The following OR3A2 variants were observed in gnomAD, a reference collection of about 807,000 sequenced individuals.
OR3A2 encodes olfactory receptor family 3 subfamily A member 2, also known as olfactory receptor 3A2.
For synonymous variants in OR3A2, 126 were observed against 159.3 expected (o/e 0.79, Z 1.57); for missense variants, 318 against 392.8 (o/e 0.81, Z 1.61).
intron 2 of OR3A2, among the ~76,000 whole-genome samples, chr17:3,342,834 T>G (rs1254745580): frequency 6.6e-6 from 1 of 152,250 alleles, no homozygotes; most frequent in Non-Finnish European, 1.5e-5. Context: ...CAGGGACGTT[T>G]AAGTCTGCAG....
chr17:3,276,173 C>G (rs187079204), downstream of OR3A2, among the ~76,000 whole-genome samples: 1,395 of 149,496 alleles, frequency 9.3e-3, 19 homozygotes, highest in Non-Finnish European at 9.7e-3. Flanking sequence ...GAAAATAACC[C>G]AAATTATAGA....
At chr17:3,370,470 A>G (rs1028493380) in intron 2 of OR3A2, among the ~76,000 whole-genome samples, 1 of 152,146 alleles carries the variant, frequency 6.6e-6, no homozygotes, top group Non-Finnish European at 1.5e-5. Context: ...TTGTCAAAGA[A>G]CCAGCTTTTT....
upstream of OR3A2, among the ~76,000 whole-genome samples, chr17:3,287,330 C>A (rs934363655): frequency 1.4e-5 from 2 of 142,194 alleles, no homozygotes; most frequent in African/African-American, 5.1e-5. Flanking sequence ...GCACATTGTA[C>A]CCATTAAGTA....
intron 3 of OR3A2, among the ~76,000 whole-genome samples, chr17:3,325,693 A>C (rs892148107): frequency 6.6e-6 from 1 of 152,128 alleles, no homozygotes; most frequent in African/African-American, 2.4e-5. Flanking sequence ...TTAAAAATTA[A>C]GGTATCACAT....
In OR3A2 at chr17:3,347,458, T is replaced by C. The variant is rs539324279; in HGVS notation, c.-178-11332A>G. 1.6e-4 allele frequency among the ~76,000 whole-genome samples: 24 copies of C among 152,266 alleles called. No homozygotes were observed. In the East Asian group the frequency reaches 2.9e-3, roughly 18 times the overall value. Reference sequence around the variant, plus strand: ...CCCTTCCTGTGTCCATGTGTTCTCATAGTTCAATTCCCACCTATGAGTGAG... The same window carrying C: ...CCCTTCCTGTGTCCATGTGTTCTCACAGTTCAATTCCCACCTATGAGTGAG... On this transcript the variant is annotated intron_variant, in intron 2 of 4. Transcript: ENST00000573491.
chr17:3,337,020 C>T (rs530957270), intron 2 of OR3A2, among the ~76,000 whole-genome samples: 10 of 152,206 alleles, frequency 6.6e-5, no homozygotes, highest in East Asian at 1.9e-4. Context: ...ACATGGGTTC[C>T]GATATCTGTG....
At chr17:3,321,697 T>A (rs2049123680) in intron 3 of OR3A2, among the ~76,000 whole-genome samples, 1 of 152,234 alleles carries the variant, frequency 6.6e-6, no homozygotes, top group Non-Finnish European at 1.5e-5. Flanking sequence ...GATTGGCATA[T>A]GTTGAACCAG....
chr17:3,310,035 C>T (rs919979491), intron 3 of OR3A2: 1 of 220,368 alleles, frequency 4.5e-6, no homozygotes. Context: ...TCTAATGTAA[C>T]ATTTGTTCCC....
chr17:3,376,829 A>G (rs1345135605), intron 2 of OR3A2, among the ~76,000 whole-genome samples: 1 of 152,074 alleles, frequency 6.6e-6, no homozygotes, highest in African/African-American at 2.4e-5. Context: ...TGCCTTTCCC[A>G]AGGATCCCTG....
chr17:3,329,490 T>C (rs2150641045), intron 3 of OR3A2, among the ~76,000 whole-genome samples: 1 of 140,854 alleles, frequency 7.1e-6, no homozygotes, highest in African/African-American at 2.6e-5. Context: ...TTTTCTAGTT[T>C]ATTTGTGTAG....
intron 2 of OR3A2, among the ~76,000 whole-genome samples, chr17:3,374,376 T>C (rs1221329911): frequency 6.6e-6 from 1 of 152,232 alleles, no homozygotes; most frequent in Non-Finnish European, 1.5e-5. Context: ...TCCTCAATTA[T>C]TCCCTTCAGT....
chr17:3,330,102 T>C (rs1373612252), intron 3 of OR3A2, among the ~76,000 whole-genome samples: 6 of 147,376 alleles, frequency 4.1e-5, no homozygotes, highest in Admixed American at 1.4e-4. Flanking sequence ...TCTGTTCTTT[T>C]ACATTTGCTG....
chr17:3,278,918 G>A (rs576062413), exon 2 of OR3A2: 4 of 1,526,814 alleles, frequency 2.6e-6, no homozygotes, highest in Admixed American at 4.5e-5. Flanking sequence ...CTGGCTCCAT[G>A]AGTTTCTGTA....
rs142070688 is a variant in OR3A2 at position 3,312,902 on chromosome 17, G to T, written c.-85+23131C>A. 5.1e-3 allele frequency among the ~76,000 whole-genome samples: 773 copies of T among 152,298 alleles called. 3 individuals are homozygous for T. The highest frequency in any genetic ancestry group is 0.018 in the African/African-American group (737 of 41,554). On this transcript the variant is annotated intron_variant, in intron 3 of 4. Coordinates refer to the OR3A2 transcript ENST00000573491. ...GTCTCCCAAAGTGCTGAGATTACAG[G>T]TGTGAGTCACTGCACCTGGCCATAA...
intron 2 of OR3A2, among the ~76,000 whole-genome samples, chr17:3,337,536 G>A (rs969697867): frequency 9.2e-5 from 14 of 151,586 alleles, no homozygotes; most frequent in Non-Finnish European, 1.6e-4. Flanking sequence ...TTGGTTTTCT[G>A]TCCTTGCGAT....
intron 2 of OR3A2, among the ~76,000 whole-genome samples, chr17:3,345,935 C>T (rs1002012475): frequency 6.6e-6 from 1 of 152,044 alleles, no homozygotes; most frequent in African/African-American, 2.4e-5. Flanking sequence ...TACAAGCTTC[C>T]AAAGTGGGGA....
At chr17:3,346,943 G>A (rs1344954614) in intron 2 of OR3A2, among the ~76,000 whole-genome samples, 1 of 152,100 alleles carries the variant, frequency 6.6e-6, no homozygotes, top group African/African-American at 2.4e-5. Flanking sequence ...GTCTGTTGAT[G>A]GACACTTAGG....
At chr17:3,367,239 G>A (rs1202360526) in intron 2 of OR3A2, among the ~76,000 whole-genome samples, 1 of 152,100 alleles carries the variant, frequency 6.6e-6, no homozygotes, top group Admixed American at 6.6e-5. Context: ...AGATTTTGGG[G>A]AAGAAAAGGT....
chr17:3,372,483 T>C (rs1597363317), intron 2 of OR3A2, among the ~76,000 whole-genome samples: 2 of 150,816 alleles, frequency 1.3e-5, no homozygotes, highest in Non-Finnish European at 3.0e-5. Context: ...GGCTGGGAGG[T>C]GGAGGTTGTA....
Sources: gnomAD v4.1 joint callset for allele counts (sites outside exome capture counted in the v4.1 genomes callset) on GRCh38, gnomAD v4.1.1 for gene constraint, MANE v1.5 for transcripts, NCBI Gene and HGNC (gene_info 2026-07-23, HGNC 2026-07-21) for gene names.